Variants in DLG1 observed in about 807,000 individuals in gnomAD.
DLG1 encodes the protein discs large MAGUK scaffold protein 1, also known as disks large homolog 1.
Under a neutral mutation model 123.4 loss-of-function variants are expected in DLG1, and 42 were observed. The observed-to-expected ratio is 0.34, with a 90% CI of 0.27 to 0.44. DLG1 has a LOEUF of 0.44. Ranked by LOEUF, DLG1 falls within the 20% of genes least tolerant of loss-of-function variation. The probability of loss-of-function intolerance (pLI) is 1.00; values close to 1 mark genes in which losing one functional copy is unlikely to be tolerated. For missense variants in DLG1, 942 were observed against 1,082.6 expected (o/e 0.87, Z 1.82); for synonymous variants, 317 against 356.2 (o/e 0.89, Z 1.24).
chr3:197,053,168 G>C (rs1729142722), intron 23 of DLG1, among the ~76,000 whole-genome samples: 4 of 152,002 alleles, frequency 2.6e-5, no homozygotes. Context: ...TGAGTATAGA[G>C]TTCGTTCCCA....
At chr3:197,092,951 CCA>C (rs1382979884) in intron 14 of DLG1, among the ~76,000 whole-genome samples, 4 of 152,268 alleles carry the variant, frequency 2.6e-5, no homozygotes, top group African/African-American at 9.6e-5. Flanking sequence ...TAAAATAACT[CCA>C]CAGTCAAATC....
rs574637375 is a variant in DLG1 at position 197,165,169 on chromosome 3, A to G, written c.484-15373T>C. Among the ~76,000 whole-genome samples the G allele has an allele frequency of 2.6e-5, 4 of 152,296 alleles. No homozygotes were observed. The East Asian group carries it at 7.7e-4, about 29-fold the overall frequency. ...CTGAATTATACTTTTCCAGTTGTTG[A>G]CAAGGAATACACAGTGGCGTTATTA... On this transcript the variant is annotated intron_variant, in intron 5 of 24. Coordinates refer to ENST00000667157, the MANE Select transcript of DLG1 (RefSeq NM_001366207.1).
intron 5 of DLG1, among the ~76,000 whole-genome samples, chr3:197,157,781 A>C (rs1797006140): frequency 6.6e-6 from 1 of 152,206 alleles, no homozygotes; most frequent in African/African-American, 2.4e-5. Context: ...ACACTTCCTG[A>C]TTCCAAAACT....
At chr3:197,214,334 G>T (rs1482525000) in intron 4 of DLG1, among the ~76,000 whole-genome samples, 1 of 152,136 alleles carries the variant, frequency 6.6e-6, no homozygotes, top group Non-Finnish European at 1.5e-5. Context: ...GGTGGCTTTG[G>T]GAGGCCGAGG....
intron 4 of DLG1, among the ~76,000 whole-genome samples, chr3:197,228,488 T>C (rs1741124294): frequency 6.6e-6 from 1 of 152,234 alleles, no homozygotes; most frequent in East Asian, 1.9e-4. Context: ...ATCATTTTAA[T>C]GATTACTAGG....
chr3:197,257,931 G>A (rs547338881), intron 4 of DLG1, among the ~76,000 whole-genome samples: 4 of 152,194 alleles, frequency 2.6e-5, no homozygotes, highest in South Asian at 2.1e-4. Context: ...CCACCTCAAC[G>A]GACATGTTTG....
At chr3:197,109,958 G>A (rs192553172) in intron 13 of DLG1, among the ~76,000 whole-genome samples, 9 of 152,300 alleles carry the variant, frequency 5.9e-5, no homozygotes, top group Admixed American at 5.9e-4. Flanking sequence ...CGATTGTAAT[G>A]TGTCTATGTT....
At chr3:197,195,400 G>C (rs1248093355) in intron 4 of DLG1, among the ~76,000 whole-genome samples, 1 of 152,012 alleles carries the variant, frequency 6.6e-6, no homozygotes, top group Non-Finnish European at 1.5e-5. Context: ...TCAATTGATT[G>C]ATCAGTAATT....
chr3:197,125,217 G>GA (rs1778419835), intron 11 of DLG1, among the ~76,000 whole-genome samples: 1 of 152,066 alleles, frequency 6.6e-6, no homozygotes, highest in South Asian at 2.1e-4. Flanking sequence ...TGAGGGGAGA[G>GA]AAAAATTCTT....
chr3:197,060,462 A>G (rs1226205395), intron 22 of DLG1, among the ~76,000 whole-genome samples: 1 of 152,144 alleles, frequency 6.6e-6, no homozygotes, highest in African/African-American at 2.4e-5. Flanking sequence ...TCTGCCAAGA[A>G]AAGTTATTCA....
intron 15 of DLG1, 38 bp from the exon 16 acceptor site, chr3:197,085,794 A>AT: frequency 1.9e-6 from 3 of 1,573,458 alleles, no homozygotes; most frequent in Non-Finnish European, 1.7e-6. Flanking sequence ...ATCACTTGTT[A>AT]TAATATTAAT....
At chr3:197,208,794 C>G (rs1285964217) in intron 4 of DLG1, among the ~76,000 whole-genome samples, 1 of 145,460 alleles carries the variant, frequency 6.9e-6, no homozygotes. Flanking sequence ...AGTTGCTTGA[C>G]GAGAGGAGAT....
At chr3:197,061,440 A>G (rs1410910695) in intron 22 of DLG1, among the ~76,000 whole-genome samples, 1 of 152,212 alleles carries the variant, frequency 6.6e-6, no homozygotes, top group African/African-American at 2.4e-5. Flanking sequence ...ACATAATCAC[A>G]ATATGATTCC....
intron 5 of DLG1, among the ~76,000 whole-genome samples, chr3:197,172,540 T>C (rs1804755829): frequency 6.6e-6 from 1 of 152,148 alleles, no homozygotes; most frequent in African/African-American, 2.4e-5. Flanking sequence ...ATTTAATATA[T>C]ATTTGTTGAA....
At chr3:197,178,711 T>C (rs1808453957) in intron 5 of DLG1, among the ~76,000 whole-genome samples, 1 of 152,142 alleles carries the variant, frequency 6.6e-6, no homozygotes, top group Non-Finnish European at 1.5e-5. Flanking sequence ...AAAAGAGCAG[T>C]ACTATCCACG....
chr3:197,227,644 A>G lies in DLG1; in HGVS notation c.319-33055T>C, dbSNP rs185342353. ...TATACACCAGAAACAGCGTGCCAAA[A>G]GACAAAAATTCCCTTACCACCAACC... On this transcript the variant is annotated intron_variant, in intron 4 of 24. Coordinates refer to ENST00000667157, the MANE Select transcript of DLG1 (RefSeq NM_001366207.1). Among the ~76,000 whole-genome samples the G allele has an allele frequency of 5.7e-4, 87 of 152,334 alleles. 1 individual carries two copies. The highest frequency in any genetic ancestry group is 1.0e-3 in the Non-Finnish European group (71 of 68,020).
chr3:197,126,965 A>C (rs1239401567), intron 11 of DLG1, among the ~76,000 whole-genome samples: 2 of 152,134 alleles, frequency 1.3e-5, no homozygotes. Flanking sequence ...AAAAAGGAGC[A>C]CTCAAAAGCA....
At chr3:197,170,837 T>C (rs1803826947) in intron 5 of DLG1, among the ~76,000 whole-genome samples, 2 of 152,208 alleles carry the variant, frequency 1.3e-5, no homozygotes, top group East Asian at 3.8e-4. Context: ...CTGCCTAGGT[T>C]GTCTTCTTAG....
intron 4 of DLG1, chr3:197,260,144 C>A (rs1014585580): frequency 1.2e-4 from 34 of 273,416 alleles, no homozygotes; most frequent in Admixed American, 3.0e-4. Flanking sequence ...TGGATTCACA[C>A]ATCTATTTTC....
Sources: allele counts gnomAD v4.1 joint callset (sites outside exome capture counted in the v4.1 genomes callset), GRCh38; gene constraint gnomAD v4.1.1; transcripts MANE v1.5; gene names NCBI Gene and HGNC (gene_info 2026-07-23, HGNC 2026-07-21).